The following TMEM272 variants were observed in gnomAD, a reference collection of about 807,000 sequenced individuals.
TMEM272 encodes the protein transmembrane protein 272.
A neutral mutation model predicts 3.7 loss-of-function variants in TMEM272; 8 were observed. The observed-to-expected ratio is 2.17, with a 90% CI of 1.27 to 3.91. TMEM272 has a LOEUF of 3.91. Among genes scored for constraint, TMEM272 ranks in the 30% most tolerant of loss-of-function variants. The pLI, the probability that TMEM272 is intolerant of heterozygous loss-of-function variation, is 0.00. For synonymous variants in TMEM272, 63 were observed against 39.8 expected (o/e 1.58, Z -2.20); for missense variants, 166 against 91.5 (o/e 1.81, Z -3.32).
chr13:51,869,464 G>C, the TMEM272 span, among the ~76,000 whole-genome samples: 1 of 150,530 alleles, frequency 6.6e-6, no homozygotes, highest in African/African-American at 2.5e-5. Context: ...GTCACTTTAA[G>C]TTAAAAAACC....
the TMEM272 span, among the ~76,000 whole-genome samples, chr13:51,931,721 G>C: frequency 6.6e-6 from 1 of 152,076 alleles, no homozygotes; most frequent in Non-Finnish European, 1.5e-5. Context: ...TTCACAATGG[G>C]ACATGCACAC....
the TMEM272 span, among the ~76,000 whole-genome samples, chr13:51,923,970 G>C: frequency 0.41 from 62,572 of 152,130 alleles, 13,086 homozygotes; most frequent in East Asian, 0.62. Flanking sequence ...AAGCCCCTTT[G>C]GGGGCTCTAT....
the TMEM272 span, chr13:51,865,653 C>G: frequency 6.2e-7 from 1 of 1,614,158 alleles, no homozygotes; most frequent in Non-Finnish European, 8.5e-7. Flanking sequence ...GAGGAGAGAC[C>G]TTTCTGGGAA....
chr13:51,885,003 G>A, the TMEM272 span, among the ~76,000 whole-genome samples: 35 of 152,152 alleles, frequency 2.3e-4, no homozygotes, highest in African/African-American at 7.7e-4. Context: ...AGATGCTTTC[G>A]GGGTCCAAGT....
At chr13:51,847,477 C>G (rs1197706923), upstream of TMEM272, among the ~76,000 whole-genome samples, 1 of 152,176 alleles carries the variant, frequency 6.6e-6, no homozygotes, top group African/African-American at 2.4e-5. Flanking sequence ...TCTCCGGTGC[C>G]AAAAAGATTG....
At chr13:51,854,336 C>T in the TMEM272 span, among the ~76,000 whole-genome samples, 1 of 152,224 alleles carries the variant, frequency 6.6e-6, no homozygotes, top group Non-Finnish European at 1.5e-5. Context: ...TCTAAATCAA[C>T]TCCAGCTCAA....
At chr13:51,917,929 CTTTCCTGTT>C in the TMEM272 span, among the ~76,000 whole-genome samples, 2 of 152,202 alleles carry the variant, frequency 1.3e-5, no homozygotes, top group Non-Finnish European at 2.9e-5. Context: ...TCAGTAACTT[CTTTCCTGTT>C]TATTGAGAGA....
chr13:51,866,033 G>A, the TMEM272 span: 24 of 1,605,898 alleles, frequency 1.5e-5, no homozygotes, highest in East Asian at 8.9e-5. Flanking sequence ...GCCCCACAAC[G>A]CCAACAGAGG....
chr13:51,830,585 T>A (rs1338065103), intron 2 of TMEM272, among the ~76,000 whole-genome samples: 1 of 152,224 alleles, frequency 6.6e-6, no homozygotes, highest in African/African-American at 2.4e-5. Flanking sequence ...GTCTGGCACA[T>A]AATAAACACC....
At position 51,815,957 on chromosome 13, in the gene TMEM272, T is replaced by C. The variant is rs1956019405; in HGVS notation, c.*794A>G. ...CCTGTCCAGAAACATACAAAACTGG[T>C]TTATGCCACCCAGCCAGCCGCAGAT... On this transcript the variant is annotated 3_prime_UTR_variant, in exon 5 of 5. Coordinates refer to ENST00000629372, the MANE Select transcript of TMEM272 (RefSeq NM_001351003.2). 2 of 152,214 alleles carry C rather than the reference T, an allele frequency of 1.3e-5. No homozygotes were observed. The highest frequency in any genetic ancestry group is 2.9e-5 in the Non-Finnish European group (2 of 68,078). 9.4% of individuals were successfully genotyped at this position (152,214 alleles called of 1,614,324 possible).
At chr13:51,857,990 GA>G in the TMEM272 span, among the ~76,000 whole-genome samples, 3 of 152,116 alleles carry the variant, frequency 2.0e-5, no homozygotes, top group African/African-American at 7.2e-5. Context: ...CTTAAGGCAA[GA>G]AGTATTACTA....
At chr13:51,864,734 C>T in the TMEM272 span, among the ~76,000 whole-genome samples, 44 of 152,352 alleles carry the variant, frequency 2.9e-4, no homozygotes, top group African/African-American at 1.0e-3. Flanking sequence ...TGCGGGTCAT[C>T]TGGTGTCTTT....
the TMEM272 span, among the ~76,000 whole-genome samples, chr13:51,879,886 G>A: frequency 6.6e-6 from 1 of 152,184 alleles, no homozygotes; most frequent in Non-Finnish European, 1.5e-5. Flanking sequence ...AGAGGGTCCA[G>A]GAAGGGCTTT....
At chr13:51,909,720 T>A in the TMEM272 span, 1 of 1,545,314 alleles carries the variant, frequency 6.5e-7, no homozygotes, top group South Asian at 1.1e-5. Flanking sequence ...GTAAGCACCA[T>A]CTTTCAATTC....
the TMEM272 span, among the ~76,000 whole-genome samples, chr13:51,903,098 G>A: frequency 6.6e-6 from 1 of 152,224 alleles, no homozygotes; most frequent in African/African-American, 2.4e-5. Flanking sequence ...TGACAGGTCA[G>A]TTTGTACACA....
the TMEM272 span, among the ~76,000 whole-genome samples, chr13:51,852,231 C>A: frequency 2.6e-5 from 4 of 152,306 alleles, no homozygotes; most frequent in Middle Eastern, 3.4e-3. Flanking sequence ...AATTGCATTT[C>A]TCTAATTATA....
the TMEM272 span, among the ~76,000 whole-genome samples, chr13:51,889,047 G>A: frequency 6.6e-6 from 1 of 152,080 alleles, no homozygotes; most frequent in Non-Finnish European, 1.5e-5. Context: ...TCTACATTGT[G>A]TCCAGGTGTA....
chr13:51,877,328 G>A, the TMEM272 span, among the ~76,000 whole-genome samples: 84 of 152,260 alleles, frequency 5.5e-4, no homozygotes, highest in Admixed American at 1.0e-3. Flanking sequence ...CATTACACTA[G>A]AAGACAGGGC....
At chr13:51,893,051 TTC>T in the TMEM272 span, among the ~76,000 whole-genome samples, 1,006 of 152,288 alleles carry the variant, frequency 6.6e-3, 9 homozygotes, top group African/African-American at 0.023. Flanking sequence ...ACATCCATCC[TTC>T]ATGCTCCTTG....
Sources: gnomAD v4.1 joint callset for allele counts (sites outside exome capture counted in the v4.1 genomes callset) on GRCh38, gnomAD v4.1.1 for gene constraint, MANE v1.5 for transcripts, NCBI Gene and HGNC (gene_info 2026-07-23, HGNC 2026-07-21) for gene names.